FAT3: variants seen among roughly 807,000 people sequenced by gnomAD.
FAT3 encodes FAT atypical cadherin 3, also known as protocadherin Fat 3.
FAT3 carries 95 observed loss-of-function variants against 310.2 expected under a neutral mutation model. The ratio of observed to expected loss-of-function variants is 0.31; its 90% CI spans 0.26 to 0.36. The LOEUF is 0.36. Ranked by LOEUF, FAT3 falls within the 10% of genes least tolerant of loss-of-function variation. The pLI is 1.00. For missense variants in FAT3, 5,408 were observed against 5,715.6 expected, an observed-to-expected ratio of 0.95 and a Z score of 1.74; for synonymous variants, 2,314 against 2,192.9, an observed-to-expected ratio of 1.06 and a Z score of -1.54.
At chr11:92,465,573 T>G (rs1951738016) in intron 2 of FAT3, among the ~76,000 whole-genome samples, 1 of 152,208 alleles carries the variant, frequency 6.6e-6, no homozygotes, top group African/African-American at 2.4e-5. Flanking sequence ...GAGCATTTTT[T>G]CATGTGTGAA....
intron 2 of FAT3, among the ~76,000 whole-genome samples, chr11:92,369,361 G>A (rs561810461): frequency 6.6e-6 from 1 of 152,234 alleles, no homozygotes; most frequent in Admixed American, 6.5e-5. Context: ...ACAAAGTCTA[G>A]TCCTGATTTT....
At chr11:92,339,569 A>G (rs1437388263) in intron 1 of FAT3, among the ~76,000 whole-genome samples, 2 of 152,232 alleles carry the variant, frequency 1.3e-5, no homozygotes, top group Non-Finnish European at 2.9e-5. Context: ...TAAGTATTGC[A>G]AATGAAATGT....
At chr11:92,846,153 G>T (rs1306985432) in intron 19 of FAT3, among the ~76,000 whole-genome samples, 1 of 152,140 alleles carries the variant, frequency 6.6e-6, no homozygotes, top group South Asian at 2.1e-4. Flanking sequence ...CTCTGCTAGG[G>T]TCTGTATGCG....
intron 1 of FAT3, among the ~76,000 whole-genome samples, chr11:92,293,580 T>C (rs1018197502): frequency 6.9e-6 from 1 of 145,400 alleles, no homozygotes; most frequent in Non-Finnish European, 1.5e-5. Context: ...CCAATTTCAA[T>C]ATACAGTGCA....
chr11:92,576,130 C>T (rs1015850076), intron 3 of FAT3, among the ~76,000 whole-genome samples: 3 of 152,086 alleles, frequency 2.0e-5, no homozygotes, highest in Non-Finnish European at 4.4e-5. Flanking sequence ...TTAAGAATAG[C>T]GTCTTAAGGG....
chr11:92,441,654 A>G (rs550223071), intron 2 of FAT3, among the ~76,000 whole-genome samples: 28 of 129,198 alleles, frequency 2.2e-4, no homozygotes, highest in Non-Finnish European at 3.3e-4. Flanking sequence ...AAACAAAACA[A>G]AACAAAACAA....
intron 3 of FAT3, among the ~76,000 whole-genome samples, chr11:92,604,318 G>C (rs181827920): frequency 9.5e-4 from 144 of 152,254 alleles, no homozygotes; most frequent in African/African-American, 3.4e-3. Context: ...TTTGTACTCA[G>C]GGAATATGGA....
chr11:92,252,464 G>A (rs541610227), intron 1 of FAT3, among the ~76,000 whole-genome samples: 119 of 152,150 alleles, frequency 7.8e-4, no homozygotes, highest in Non-Finnish European at 1.4e-3. Context: ...AACAGCTGTA[G>A]AGCTAGGACC....
intron 6 of FAT3, 123 bp from the exon 7 acceptor site, chr11:92,773,918 T>C: frequency 1.1e-6 from 1 of 925,370 alleles, no homozygotes; most frequent in Non-Finnish European, 1.6e-6. Context: ...ATGTACAAAA[T>C]TGAGCCATAG....
intron 2 of FAT3, among the ~76,000 whole-genome samples, chr11:92,523,786 G>C (rs568942967): frequency 7.2e-5 from 11 of 152,284 alleles, no homozygotes; most frequent in African/African-American, 2.6e-4. Context: ...CTGCAGCCTA[G>C]TGATTGGGTA....
At chr11:92,362,422 CA>C (rs1440352587) in intron 2 of FAT3, among the ~76,000 whole-genome samples, 2 of 152,182 alleles carry the variant, frequency 1.3e-5, no homozygotes, top group Non-Finnish European at 2.9e-5. Context: ...GCTCTGTGCC[CA>C]GAGGCTTTTT....
In FAT3 at chr11:92,870,967, C is replaced by A. The variant is rs79196922; in HGVS notation, c.12127+3758C>A. Among the ~76,000 whole-genome samples the A allele has an allele frequency of 6.8e-4, 104 of 152,206 alleles. No individual in the cohort carries two copies. The East Asian group carries it at 8.5e-3, about 12-fold the overall frequency. On this transcript the variant is annotated intron_variant, in intron 22 of 27. Coordinates refer to ENST00000525166, the MANE Select transcript of FAT3 (RefSeq NM_001367949.2). ...CTCATTTTACAGATAAAGAAATAGG[C>A]CAGAGGGGCTAAGTCGGTAGCCTAG...
chr11:92,425,897 C>G (rs1428816239), intron 2 of FAT3, among the ~76,000 whole-genome samples: 1 of 152,044 alleles, frequency 6.6e-6, no homozygotes, highest in African/African-American at 2.4e-5. Context: ...GAGTATATAC[C>G]TAGCAATGGT....
At chr11:92,692,490 T>G (rs1259341819) in intron 3 of FAT3, among the ~76,000 whole-genome samples, 1 of 152,194 alleles carries the variant, frequency 6.6e-6, no homozygotes, top group Non-Finnish European at 1.5e-5. Context: ...ATTCAAAAAA[T>G]TGAGGAGGCA....
At chr11:92,230,665 C>T (rs1864138045) in intron 1 of FAT3, among the ~76,000 whole-genome samples, 1 of 152,186 alleles carries the variant, frequency 6.6e-6, no homozygotes. Flanking sequence ...ACCTCTTTCA[C>T]AAGACAGTGG....
chr11:92,751,812 C>T (rs545901415), intron 4 of FAT3, among the ~76,000 whole-genome samples: 4 of 152,240 alleles, frequency 2.6e-5, no homozygotes, highest in South Asian at 2.1e-4. Context: ...GAAAAGAGCA[C>T]GTGCTGCCAC....
chr11:92,617,366 T>C (rs976668736), intron 3 of FAT3, among the ~76,000 whole-genome samples: 1 of 152,166 alleles, frequency 6.6e-6, no homozygotes, highest in African/African-American at 2.4e-5. Flanking sequence ...TTTATTCTAG[T>C]TAGCCATTCG....
intron 1 of FAT3, among the ~76,000 whole-genome samples, chr11:92,274,663 G>A (rs1946215627): frequency 1.3e-5 from 2 of 151,982 alleles, no homozygotes; most frequent in South Asian, 4.2e-4. Flanking sequence ...TTAGTTAAAA[G>A]CTTTATATTT....
chr11:92,394,798 T>C (rs955327473), intron 2 of FAT3, among the ~76,000 whole-genome samples: 1 of 152,218 alleles, frequency 6.6e-6, no homozygotes, highest in Non-Finnish European at 1.5e-5. Flanking sequence ...TTATTATAGA[T>C]GCCATAGAAT....
Sources: gnomAD v4.1 joint callset for allele counts (sites outside exome capture counted in the v4.1 genomes callset) on GRCh38, gnomAD v4.1.1 for gene constraint, MANE v1.5 for transcripts, NCBI Gene and HGNC (gene_info 2026-07-23, HGNC 2026-07-21) for gene names.